The following SCGN variants were observed in gnomAD, a reference collection of about 807,000 sequenced individuals.
SCGN encodes the protein secretagogin.
In SCGN, 30 loss-of-function variants were observed where a neutral mutation model predicts 39.7. The observed-to-expected ratio is 0.76, with a 90% CI of 0.57 to 1.03. The LOEUF is 1.03. Among genes scored for constraint, SCGN ranks in the 50% least tolerant of loss-of-function variants. The probability of loss-of-function intolerance (pLI) is 0.00; values close to 1 mark genes in which losing one functional copy is unlikely to be tolerated. For missense variants in SCGN, 353 were observed against 349.4 expected, an observed-to-expected ratio of 1.01 and a Z score of -0.08; for synonymous variants, 106 against 114.1, an observed-to-expected ratio of 0.93 and a Z score of 0.45.
At chr6:25,669,110 CAA>C (rs3034251) in intron 4 of SCGN, among the ~76,000 whole-genome samples, 4 of 137,726 alleles carry the variant, frequency 2.9e-5, no homozygotes, top group Middle Eastern at 3.6e-3. Context: ...GACTCCGTCT[CAA>C]AAAAAAAAAA....
chr6:25,677,921 G>A (rs1759586647), intron 6 of SCGN, among the ~76,000 whole-genome samples: 1 of 152,140 alleles, frequency 6.6e-6, no homozygotes, highest in Admixed American at 6.5e-5. Context: ...TCTATTGACA[G>A]GAAGTTACCC....
chr6:25,661,716 G>T, intron 3 of SCGN, 72 bp downstream of exon 3: 1 of 1,010,762 alleles, frequency 9.9e-7, no homozygotes, highest in South Asian at 1.4e-5. Context: ...TATCGTCTTG[G>T]GCTGTAATAT....
intron 2 of SCGN, among the ~76,000 whole-genome samples, chr6:25,659,944 C>T (rs181156686): frequency 3.3e-5 from 5 of 151,092 alleles, no homozygotes; most frequent in Non-Finnish European, 7.4e-5. Flanking sequence ...GTCAAGACTA[C>T]AAAAAAAACA....
At chr6:25,663,955 A>G (rs1264265630) in intron 3 of SCGN, among the ~76,000 whole-genome samples, 1 of 152,246 alleles carries the variant, frequency 6.6e-6, no homozygotes, top group Non-Finnish European at 1.5e-5. Flanking sequence ...TGTACAAGAC[A>G]CTGAGCAAAC....
chr6:25,658,003 C>CTTTTTTT (rs759915721), intron 2 of SCGN, among the ~76,000 whole-genome samples: 22 of 70,384 alleles, frequency 3.1e-4, no homozygotes, highest in Non-Finnish European at 4.9e-4. Context: ...GAAAGGTATC[C>CTTTTTTT]TTTTTTTTTT....
intron 10 of SCGN, among the ~76,000 whole-genome samples, chr6:25,696,530 C>T (rs570530319): frequency 4.5e-4 from 68 of 152,226 alleles, no homozygotes; most frequent in African/African-American, 1.6e-3. Context: ...CCCATGTCTG[C>T]GATTCAAAAC....
At chr6:25,692,304 C>T (rs1759782866) in intron 10 of SCGN, among the ~76,000 whole-genome samples, 1 of 152,236 alleles carries the variant, frequency 6.6e-6, no homozygotes, top group African/African-American at 2.4e-5. Context: ...GCAGCATTTG[C>T]TAAATTAGAG....
intron 7 of SCGN, among the ~76,000 whole-genome samples, chr6:25,685,727 A>G (rs904406947): frequency 3.3e-5 from 5 of 152,198 alleles, no homozygotes; most frequent in South Asian, 4.1e-4. Flanking sequence ...TTATTTTAAA[A>G]TTGAGACATA....
At chr6:25,652,519 T>A (rs370467267) in intron 1 of SCGN, 34 bp downstream of exon 1, 131 of 1,597,418 alleles carry the variant, frequency 8.2e-5, no homozygotes, top group Non-Finnish European at 1.0e-4. Context: ...CACTCAGGTG[T>A]AGACGTGGCT....
chr6:25,665,092 C>A, intron 4 of SCGN, 60 bp downstream of exon 4: 1 of 1,336,810 alleles, frequency 7.5e-7, no homozygotes, highest in Non-Finnish European at 1.1e-6. Context: ...ACGATCTTAG[C>A]CACCTGCTGT....
chr6:25,666,052 TG>T (rs1165655136), intron 4 of SCGN, among the ~76,000 whole-genome samples: 72 of 151,814 alleles, frequency 4.7e-4, no homozygotes, highest in African/African-American at 1.1e-3. Flanking sequence ...TAAAAAACTT[TG>T]TCCTGGCTGG....
At chr6:25,690,550 G>A (rs747118411) in intron 9 of SCGN, among the ~76,000 whole-genome samples, 7 of 152,098 alleles carry the variant, frequency 4.6e-5, no homozygotes, top group Non-Finnish European at 1.0e-4. Flanking sequence ...ATATTTGCAT[G>A]TGTTATAAAA....
At chr6:25,670,936 T>G (rs1187237999) in intron 6 of SCGN, among the ~76,000 whole-genome samples, 1 of 152,246 alleles carries the variant, frequency 6.6e-6, no homozygotes, top group East Asian at 1.9e-4. Flanking sequence ...CCTACGTGAG[T>G]GCTTCATTCC....
In SCGN at chr6:25,652,334, C is replaced by G; in HGVS notation, c.-70C>G. On this transcript the variant is annotated 5_prime_UTR_variant, in exon 1 of 11. Transcript: ENST00000377961. ...AAGCAGGAGAGCAAGTCAAGAAATACGGTGAAGGAGTCCTTCCCAAAGTTG... is the reference window on the plus strand; with the variant it reads ...AAGCAGGAGAGCAAGTCAAGAAATAGGGTGAAGGAGTCCTTCCCAAAGTTG... 1 of 1,152,850 alleles carries G rather than the reference C, an allele frequency of 8.7e-7. No individual in the cohort carries two copies. The allele number at this position is 1,152,850 out of a possible 1,614,324, so 71.4% of individuals were successfully genotyped here. A position where few individuals can be genotyped will look rare whatever the true frequency, so the allele number is the denominator to read the frequency against.
chr6:25,689,026 T>C, intron 7 of SCGN, 146 bp from the exon 8 acceptor site: 1 of 551,646 alleles, frequency 1.8e-6, no homozygotes, highest in Non-Finnish European at 3.2e-6. Context: ...ATTTCTTTGT[T>C]TCTGTGATGT....
intron 10 of SCGN, among the ~76,000 whole-genome samples, chr6:25,695,173 G>A (rs1328089250): frequency 6.6e-6 from 1 of 152,140 alleles, no homozygotes; most frequent in Non-Finnish European, 1.5e-5. Context: ...TCTTTCCTCT[G>A]TCAATCTGAT....
chr6:25,674,668 C>T (rs60626645), intron 6 of SCGN, among the ~76,000 whole-genome samples: 21,429 of 152,192 alleles, frequency 0.14, 1,905 homozygotes, highest in South Asian at 0.2. Flanking sequence ...TAAGGATTGG[C>T]ACATTTAAAA....
intron 10 of SCGN, among the ~76,000 whole-genome samples, chr6:25,693,020 A>G (rs1759791386): frequency 6.6e-6 from 1 of 152,186 alleles, no homozygotes; most frequent in Admixed American, 6.5e-5. Flanking sequence ...TCTCTCTGAT[A>G]CTTGTCTTCT....
chr6:25,655,726 G>T (rs1419609819), intron 2 of SCGN, among the ~76,000 whole-genome samples: 1 of 152,168 alleles, frequency 6.6e-6, no homozygotes, highest in African/African-American at 2.4e-5. Flanking sequence ...TACATTTGGG[G>T]TCTGCCAAAG....
Sources: gnomAD v4.1 joint callset for allele counts (sites outside exome capture counted in the v4.1 genomes callset) on GRCh38, gnomAD v4.1.1 for gene constraint, MANE v1.5 for transcripts, NCBI Gene and HGNC (gene_info 2026-07-23, HGNC 2026-07-21) for gene names.